STIMATE: variants seen among roughly 807,000 people sequenced by gnomAD.
STIMATE encodes store-operated calcium entry regulator STIMATE.
Under a neutral mutation model 36.7 loss-of-function variants are expected in STIMATE, and 15 were observed. The ratio of observed to expected loss-of-function variants is 0.41; its 90% CI spans 0.27 to 0.63. The LOEUF is 0.63. Among genes scored for constraint, STIMATE ranks in the 20% least tolerant of loss-of-function variants. The pLI is 0.32. For missense variants in STIMATE, 305 were observed against 397.3 expected (o/e 0.77, Z 1.98); for synonymous variants, 163 against 162.3 (o/e 1.00, Z -0.03).
intron 1 of STIMATE, among the ~76,000 whole-genome samples, chr3:52,874,000 C>A (rs1020908335): frequency 6.6e-6 from 1 of 152,234 alleles, no homozygotes; most frequent in South Asian, 2.1e-4. Context: ...TGAAAAGTTG[C>A]GTCAGGTTAT....
At chr3:52,882,578 T>C (rs947812275) in intron 1 of STIMATE, among the ~76,000 whole-genome samples, 12 of 152,176 alleles carry the variant, frequency 7.9e-5, no homozygotes, top group Admixed American at 2.6e-4. Context: ...GTTGACCTAC[T>C]TGGCTAACAG....
chr3:52,861,188 C>T (rs1323939424), intron 1 of STIMATE, among the ~76,000 whole-genome samples: 1 of 152,152 alleles, frequency 6.6e-6, no homozygotes, highest in Admixed American at 6.5e-5. Flanking sequence ...GGTCAGGTTC[C>T]CGAACACAGA....
At chr3:52,892,461 C>T (rs753685169) in intron 1 of STIMATE, among the ~76,000 whole-genome samples, 1 of 152,138 alleles carries the variant, frequency 6.6e-6, no homozygotes, top group Non-Finnish European at 1.5e-5. Context: ...ACCAGCTTGG[C>T]ATGAAAAAAG....
intron 1 of STIMATE, among the ~76,000 whole-genome samples, chr3:52,884,391 GCCCGCCACCACGCCCGGCTAA>G: frequency 6.6e-6 from 1 of 151,896 alleles, no homozygotes; most frequent in East Asian, 1.9e-4. Flanking sequence ...GACAACAGGC[GCCCGCCACCACGCCCGGCTAA>G]TTTTTATACT....
chr3:52,879,289 G>C (rs553837854), intron 1 of STIMATE, among the ~76,000 whole-genome samples: 1 of 152,316 alleles, frequency 6.6e-6, no homozygotes, highest in South Asian at 2.1e-4. Context: ...AGACAGGGCA[G>C]CAGACAGCAG....
At position 52,897,439 on chromosome 3, in the gene STIMATE, G is replaced by C. The variant is rs1370988464; in HGVS notation, c.12C>G (p.Pro4=). The C allele has an allele frequency of 1.4e-6, 2 of 1,427,398 alleles. No individual in the cohort carries two copies. The highest frequency in any genetic ancestry group is 1.9e-4 in the Middle Eastern group (1 of 5,230). 88.4% of individuals were successfully genotyped at this position (1,427,398 alleles called of 1,614,324 possible). The change falls in exon 1 of 8, where the codon CCC becomes CCG. Residue 4 remains proline, a synonymous_variant. Transcript: ENST00000355083. Reference sequence around the variant, plus strand: ...GCAGTCCCCGGCTCGCGTTCCCGGCGGGGCCCTGCATGACAGGCCTCGCGG... The same window carrying C: ...GCAGTCCCCGGCTCGCGTTCCCGGCCGGGCCCTGCATGACAGGCCTCGCGG... The part of the protein sequence containing the change: MQG[P]AGNASRGLPG...
chr3:52,867,233 C>A (rs1442225959), intron 1 of STIMATE, among the ~76,000 whole-genome samples: 1 of 152,208 alleles, frequency 6.6e-6, no homozygotes, highest in African/African-American at 2.4e-5. Context: ...TGTATTGTTA[C>A]ATCTACAGTG....
intron 3 of STIMATE, among the ~76,000 whole-genome samples, chr3:52,850,958 G>A (rs1377868349): frequency 1.3e-5 from 2 of 152,104 alleles, no homozygotes; most frequent in African/African-American, 4.8e-5. Flanking sequence ...TGAACTCCCG[G>A]CCTCAAGGGA....
intron 2 of STIMATE, among the ~76,000 whole-genome samples, chr3:52,854,746 C>A (rs1701065311): frequency 6.6e-6 from 1 of 152,208 alleles, no homozygotes; most frequent in African/African-American, 2.4e-5. Flanking sequence ...CCACTACTTG[C>A]AACTGGCATG....
At chr3:52,845,082 A>AGGCTCC in intron 4 of STIMATE, 141 bp from the exon 5 acceptor site, 1 of 679,418 alleles carries the variant, frequency 1.5e-6, no homozygotes, top group Non-Finnish European at 2.3e-6. Context: ...CCAAAAGTCC[A>AGGCTCC]AAGGATTACC....
chr3:52,881,757 G>A (rs1317459056), intron 1 of STIMATE, among the ~76,000 whole-genome samples: 1 of 152,160 alleles, frequency 6.6e-6, no homozygotes, highest in Non-Finnish European at 1.5e-5. Flanking sequence ...AAACCACTCT[G>A]GGATTCCGAC....
At chr3:52,864,576 C>A (rs1014272075) in intron 1 of STIMATE, among the ~76,000 whole-genome samples, 8 of 152,192 alleles carry the variant, frequency 5.3e-5, no homozygotes, top group African/African-American at 1.9e-4. Context: ...CTGCAGCCAG[C>A]TTTTATTTCT....
At chr3:52,846,795 CTG>C (rs919336581) in intron 4 of STIMATE, among the ~76,000 whole-genome samples, 27 of 152,216 alleles carry the variant, frequency 1.8e-4, no homozygotes, top group African/African-American at 6.5e-4. Context: ...CACGTGGCTG[CTG>C]TGTTTCCTGA....
Position 52,844,828 on chromosome 3 carries a change from C to T in STIMATE, c.540+1G>A. On this transcript the variant is annotated splice_donor_variant, in intron 5 of 7. Coordinates refer to ENST00000355083, the MANE Select transcript of STIMATE (RefSeq NM_198563.5). LOFTEE classifies it high-confidence loss of function. ...GCTGCTCATGCAGGGACGAAGCAAA[C>T]CTTTTTCCACTGAAGTATTAGGAGG... is the stretch of plus-strand genomic sequence containing the variant. The T allele has an allele frequency of 6.2e-7, 1 of 1,613,916 alleles. No individual in the cohort carries two copies.
intron 1 of STIMATE, among the ~76,000 whole-genome samples, chr3:52,871,073 T>C (rs929950926): frequency 8.5e-5 from 13 of 152,054 alleles, no homozygotes; most frequent in Non-Finnish European, 1.3e-4. Flanking sequence ...ATCGTTGCAT[T>C]AGGAGGCAAT....
At chr3:52,862,658 G>A (rs1701237176) in intron 1 of STIMATE, among the ~76,000 whole-genome samples, 1 of 152,126 alleles carries the variant, frequency 6.6e-6, no homozygotes. Flanking sequence ...GCATATAGGT[G>A]AGTTTTCCCC....
At chr3:52,892,742 AG>A (rs1701802190) in intron 1 of STIMATE, among the ~76,000 whole-genome samples, 1 of 152,246 alleles carries the variant, frequency 6.6e-6, no homozygotes, top group African/African-American at 2.4e-5. Flanking sequence ...TACCTTTACG[AG>A]GGAGAGACTG....
chr3:52,882,669 T>C (rs1701626471), intron 1 of STIMATE, among the ~76,000 whole-genome samples: 1 of 152,174 alleles, frequency 6.6e-6, no homozygotes, highest in East Asian at 1.9e-4. Flanking sequence ...GAAATTTCCT[T>C]TCCCCTATTC....
rs575925120 is a variant in STIMATE, at chr3:52,892,846, A to T, written c.160+4445T>A. Among the ~76,000 whole-genome samples, 6 of 152,344 alleles carry T rather than the reference A, an allele frequency of 3.9e-5. No individual in the cohort carries two copies. In the South Asian group the frequency reaches 1.2e-3, roughly 32 times the overall value. ...TCACATGCCTCCTGGTGGAATGTAC[A>T]TGAAACATACAGCGCCGCTTATGGC... On this transcript the variant is annotated intron_variant, in intron 1 of 7. Transcript: ENST00000355083.
Sources: gnomAD v4.1 joint callset for allele counts (sites outside exome capture counted in the v4.1 genomes callset) on GRCh38, gnomAD v4.1.1 for gene constraint, MANE v1.5 for transcripts, NCBI Gene and HGNC (gene_info 2026-07-23, HGNC 2026-07-21) for gene names.